The following STK32C variants were observed in gnomAD, a reference collection of about 807,000 sequenced individuals.
The protein encoded by STK32C is serine/threonine-protein kinase 32C.
STK32C carries 31 observed loss-of-function variants against 56.5 expected under a neutral mutation model. That is an observed-to-expected ratio of 0.55 (90% confidence interval 0.41 to 0.74). The LOEUF is 0.74. Among genes scored for constraint, STK32C ranks in the 30% least tolerant of loss-of-function variants. STK32C has a pLI of 0.00. For missense variants in STK32C, 544 were observed against 676.9 expected (o/e 0.80, Z 2.18); for synonymous variants, 309 against 289.4 (o/e 1.07, Z -0.69).
At chr10:132,273,551 A>G (rs1305753891) in intron 1 of STK32C, among the ~76,000 whole-genome samples, 1 of 151,976 alleles carries the variant, frequency 6.6e-6, no homozygotes, top group Non-Finnish European at 1.5e-5. Flanking sequence ...AAATGAGATG[A>G]ATGAGCGAAT....
intron 8 of STK32C, among the ~76,000 whole-genome samples, chr10:132,223,910 G>A (rs763348456): frequency 6.6e-6 from 1 of 152,190 alleles, no homozygotes. Context: ...CACTACTGAT[G>A]GCCACACCCC....
exon 1 of STK32C, chr10:132,331,783 A>C (rs752662605): frequency 6.2e-7 from 1 of 1,607,204 alleles, no homozygotes; most frequent in South Asian, 1.1e-5. Context: ...GCCCCTCCAG[A>C]CCCTCGCGGT....
At chr10:132,223,367 C>T (rs80028227) in intron 8 of STK32C, among the ~76,000 whole-genome samples, 5,840 of 152,302 alleles carry the variant, frequency 0.038, 165 homozygotes, top group East Asian at 0.1. Context: ...CTTCCTTCAC[C>T]GAATCATGGG....
chr10:132,253,553 CTGGAGGGAGT>C (rs2063994873), intron 1 of STK32C, among the ~76,000 whole-genome samples: 1 of 136,636 alleles, frequency 7.3e-6, no homozygotes, highest in African/African-American at 2.9e-5. Context: ...GTCGAGGGAG[CTGGAGGGAGT>C]CGAGGGAGCT....
chr10:132,287,788 G>C (rs1367722880), intron 1 of STK32C, among the ~76,000 whole-genome samples: 1 of 152,046 alleles, frequency 6.6e-6, no homozygotes, highest in Non-Finnish European at 1.5e-5. Context: ...CATTCTCCCT[G>C]AATTGATCTA....
intron 1 of STK32C, among the ~76,000 whole-genome samples, chr10:132,298,742 G>A (rs537272373): frequency 6.6e-6 from 1 of 152,162 alleles, no homozygotes; most frequent in East Asian, 1.9e-4. Flanking sequence ...GCAGTGTGTG[G>A]GGAAGCTCCC....
At chr10:132,308,526 C>T (rs2066154723), upstream of STK32C, among the ~76,000 whole-genome samples, 1 of 151,434 alleles carries the variant, frequency 6.6e-6, no homozygotes. Context: ...GAGCCCGGCT[C>T]ACGGTCAGGA....
Position 132,222,899 on chromosome 10 carries a change from G to A in STK32C, c.1081C>T (p.Leu361=). ...CCCGGCTCCACCCTCTTCTCGCTCA[G>A]GTGGTCCCACAGCACGCCGGCCAGC... The part of the protein sequence containing the change: ...PALAGVLWDH[L]SEKRVEPGFV... Residue 361 remains leucine (L), a synonymous_variant, in exon 9 of 12, where the codon CTG becomes TTG. Coordinates refer to ENST00000298630, the MANE Select transcript of STK32C (RefSeq NM_173575.4). 1 of 1,570,756 alleles carries A rather than the reference G, an allele frequency of 6.4e-7. No homozygotes were observed. The highest frequency in any genetic ancestry group is 8.6e-7 in the Non-Finnish European group (1 of 1,161,428).
At chr10:132,247,670 T>C (rs1454235284) in intron 1 of STK32C, among the ~76,000 whole-genome samples, 1 of 151,732 alleles carries the variant, frequency 6.6e-6, no homozygotes, top group Non-Finnish European at 1.5e-5. Flanking sequence ...CTGGGTGAAG[T>C]GGGAGGGCAG....
At chr10:132,318,047 A>G (rs2066339511) in intron 1 of STK32C, among the ~76,000 whole-genome samples, 1 of 150,960 alleles carries the variant, frequency 6.6e-6, no homozygotes, top group African/African-American at 2.4e-5. Flanking sequence ...AGGAGGGTGG[A>G]TCACAAGGTC....
In STK32C at chr10:132,260,939, G is replaced by A. The variant is rs541391467; in HGVS notation, c.263-14984C>T. On this transcript the variant is annotated intron_variant, in intron 1 of 11. Coordinates refer to ENST00000298630, the MANE Select transcript of STK32C (RefSeq NM_173575.4). Reference sequence around the variant, plus strand: ...CAGAACCCCGTCAGGACGCTCATGCGGGCCCCCAGCAGGCCCCTAGCCCAC... The same window carrying A: ...CAGAACCCCGTCAGGACGCTCATGCAGGCCCCCAGCAGGCCCCTAGCCCAC... Among the ~76,000 whole-genome samples, 7 of 152,342 alleles carry A rather than the reference G, an allele frequency of 4.6e-5. No individual in the cohort carries two copies. The South Asian group carries it at 6.2e-4, about 14-fold the overall frequency.
intron 11 of STK32C, 114 bp from the exon 12 acceptor site, chr10:132,208,265 G>A: frequency 8.3e-7 from 1 of 1,199,130 alleles, no homozygotes; most frequent in Non-Finnish European, 1.1e-6. Flanking sequence ...CCCAAACGTG[G>A]GCCACAGGCT....
rs778062489 is a variant in STK32C, at chr10:132,208,117, G to C, written c.1354C>G (p.Leu452Val). 3 of 1,311,110 alleles carry C rather than the reference G, an allele frequency of 2.3e-6. No individual in the cohort carries two copies. The highest frequency in any genetic ancestry group is 2.9e-6 in the Non-Finnish European group (3 of 1,021,494). 81.2% of individuals were successfully genotyped at this position (1,311,110 alleles called of 1,614,324 possible). ...GCATCCCTGGACTCAGGGGCGGGGA[G>C]AGGCTCCCTCGGGAGGTCCTGGCTC... ...KRSQDLPREP[L>V]PAPESRDAAE... Residue 452 changes from leucine to valine, a missense_variant, in exon 12 of 12, where the codon CTC becomes GTC. Leu to Val is a conservative substitution (Grantham distance 32). Coordinates refer to ENST00000298630, the MANE Select transcript of STK32C (RefSeq NM_173575.4).
Position 132,207,710 on chromosome 10 carries a change from C to T in STK32C, c.*300G>A. ...TCCGGGCTGAGCAGGGACAAAGACT[C>T]CTGTCCCATCCATGGCCCCAGCTCC... On this transcript the variant is annotated 3_prime_UTR_variant, in exon 12 of 12. Coordinates refer to ENST00000298630, the MANE Select transcript of STK32C (RefSeq NM_173575.4). 3.4e-6 allele frequency: 1 copy of T among 293,462 alleles called. No homozygotes were observed. The highest frequency in any genetic ancestry group is 6.2e-6 in the Non-Finnish European group (1 of 160,034). The allele number at this position is 293,462 out of a possible 1,614,324, so 18.2% of individuals were successfully genotyped here.
intron 10 of STK32C, 88 bp from the exon 11 acceptor site, chr10:132,209,189 C>G: frequency 3.2e-6 from 4 of 1,252,352 alleles, no homozygotes; most frequent in Non-Finnish European, 3.5e-6. Flanking sequence ...GCATCCCCAT[C>G]GGGCCTCCAC....
rs922888024 is a variant in STK32C, at chr10:132,222,644, C to T, written c.1248G>A (p.Gln416=). The change falls in exon 10 of 12, where the codon CAG becomes CAA. Residue 416 remains glutamine (Q), a synonymous_variant. Coordinates refer to ENST00000298630, the MANE Select transcript of STK32C (RefSeq NM_173575.4). The stretch of plus-strand genomic sequence containing the variant: ...CTGAGCCTGCCCTGGCACTCACGGA[C>T]TGGGAGCTGTCCCTGCTGTTGTCCC... ...KSRDNSRDSS[Q]SENDYLQDCL... 6.2e-7 allele frequency: 1 copy of T among 1,612,508 alleles called. No homozygotes were observed. The highest frequency in any genetic ancestry group is 1.3e-5 in the African/African-American group (1 of 75,038).
At chr10:132,274,110 G>A (rs1405896578) in intron 1 of STK32C, among the ~76,000 whole-genome samples, 1 of 152,218 alleles carries the variant, frequency 6.6e-6, no homozygotes, top group Non-Finnish European at 1.5e-5. Flanking sequence ...AACCTACAAG[G>A]AGAATGCATC....
In STK32C at chr10:132,233,846, T is replaced by C. The variant is rs564161433; in HGVS notation, c.319-5718A>G. On this transcript the variant is annotated intron_variant, in intron 2 of 11. Transcript: ENST00000298630. ...ATTGCCGTGGGGCTAAGGCACACAG[T>C]TGCTGCGACTGCAGGATGGCCCCTT... Among the ~76,000 whole-genome samples, 277 of 152,344 alleles carry C rather than the reference T, an allele frequency of 1.8e-3. 1 individual carries two copies. The highest frequency in any genetic ancestry group is 2.7e-3 in the Non-Finnish European group (182 of 68,036).
At position 132,222,987 on chromosome 10, in the gene STK32C, C is replaced by G; in HGVS notation, c.994-1G>C. On this transcript the variant is annotated splice_acceptor_variant, in intron 8 of 11. Coordinates refer to ENST00000298630, the MANE Select transcript of STK32C (RefSeq NM_173575.4). LOFTEE classifies it high-confidence loss of function. ...GGTGCTCGGGGTTCACAGTGAGGAG[C>G]TGCAACCAGGCATGAGTCAGAGGGT... 6.5e-7 allele frequency: 1 copy of G among 1,549,216 alleles called. No individual in the cohort carries two copies. The highest frequency in any genetic ancestry group is 8.7e-7 in the Non-Finnish European group (1 of 1,151,654).
Sources: allele counts gnomAD v4.1 joint callset (sites outside exome capture counted in the v4.1 genomes callset), GRCh38; gene constraint gnomAD v4.1.1; transcripts MANE v1.5; gene names NCBI Gene and HGNC (gene_info 2026-07-23, HGNC 2026-07-21).